FAM124A: variants seen among roughly 807,000 people sequenced by gnomAD.
FAM124A encodes family with sequence similarity 124 member A.
In FAM124A, 23 loss-of-function variants were observed where a neutral mutation model predicts 24.5. The ratio of observed to expected loss-of-function variants is 0.94; its 90% CI spans 0.68 to 1.33. FAM124A has a LOEUF of 1.33. FAM124A is among the 40% of genes most tolerant of loss of function. The pLI is 0.00. For missense variants in FAM124A, 623 were observed against 722.8 expected, an observed-to-expected ratio of 0.86 and a Z score of 1.58; for synonymous variants, 287 against 314.7, an observed-to-expected ratio of 0.91 and a Z score of 0.93.
At chr13:51,265,068 A>G (rs1339727717) in intron 3 of FAM124A, among the ~76,000 whole-genome samples, 2 of 152,190 alleles carry the variant, frequency 1.3e-5, no homozygotes, top group Non-Finnish European at 2.9e-5. Flanking sequence ...ACAAGTAAGC[A>G]TCTCACAGGA....
chr13:51,245,753 T>C (rs1024268258), intron 2 of FAM124A, among the ~76,000 whole-genome samples: 2 of 152,198 alleles, frequency 1.3e-5, no homozygotes, highest in Admixed American at 6.5e-5. Context: ...TCATCTATCA[T>C]AGTGTTGCTT....
chr13:51,260,558 C>A (rs950772473), intron 3 of FAM124A, among the ~76,000 whole-genome samples: 2 of 152,206 alleles, frequency 1.3e-5, no homozygotes, highest in Non-Finnish European at 2.9e-5. Flanking sequence ...TAATATCTTA[C>A]TTAACCCTCA....
At chr13:51,223,789 T>C (rs1310360808) in intron 1 of FAM124A, among the ~76,000 whole-genome samples, 1 of 151,896 alleles carries the variant, frequency 6.6e-6, no homozygotes, top group Non-Finnish European at 1.5e-5. Context: ...CTTCCTTTCT[T>C]CTTCCCACTC....
chr13:51,256,573 C>A (rs558961621), intron 3 of FAM124A, among the ~76,000 whole-genome samples: 1 of 152,202 alleles, frequency 6.6e-6, no homozygotes, highest in Admixed American at 6.5e-5. Flanking sequence ...ACTGGGCCAT[C>A]ATTGCTGGAA....
rs3138586 is a variant in FAM124A, at chr13:51,272,566, T to TACACACAC, written c.835-7863_835-7856dup. Reference sequence around the variant, plus strand: ...ACCTATTTTTGTAAATAAAGCCTTATACACACACACACACACACACACACA... The same window carrying TACACACAC: ...ACCTATTTTTGTAAATAAAGCCTTATACACACACACACACACACACACACACACACACA... On this transcript the variant is annotated intron_variant, in intron 3 of 3. Coordinates refer to ENST00000322475, the MANE Select transcript of FAM124A (RefSeq NM_001242312.2). The surrounding 1 kb of genome is among the most constrained non-coding windows in gnomAD (Gnocchi z 4.2). Among the ~76,000 whole-genome samples, 6,456 of 148,896 alleles carry TACACACAC rather than the reference T, an allele frequency of 0.043. 476 individuals are homozygous for TACACACAC. The highest frequency in any genetic ancestry group is 0.15 in the African/African-American group (6,029 of 40,130).
rs762657108 is a variant in FAM124A at position 51,251,931 on chromosome 13, G to T, written c.564G>T (p.Arg188Ser). Reference protein sequence around the residue: ...CRYDNYADSLRFYQLILRRSP... With the variant: ...CRYDNYADSLSFYQLILRRSP... ...ACGACAACTATGCTGACAGCCTCAG[G>T]TTCTACCAGCTGATTCTCCGGAGGA... Residue 188 changes from arginine to serine, a missense_variant, in exon 3 of 4, where the codon AGG (arginine) becomes AGT (serine). By Grantham distance (110) the Arg-to-Ser change is moderately radical. Coordinates refer to ENST00000322475, the MANE Select transcript of FAM124A (RefSeq NM_001242312.2). This position sits in a 1 kb window ranked among gnomAD's most constrained non-coding sequence, Gnocchi z 5.3. 2.5e-6 allele frequency: 4 copies of T among 1,614,190 alleles called. No individual in the cohort carries two copies. Among genetic ancestry groups the T allele is most frequent in the Non-Finnish European group, 3.4e-6 (4 of 1,180,040 alleles).
chr13:51,250,329 A>G (rs1456247902), intron 2 of FAM124A, among the ~76,000 whole-genome samples: 1 of 152,196 alleles, frequency 6.6e-6, no homozygotes, highest in Non-Finnish European at 1.5e-5. Context: ...GTAAAGGCAG[A>G]TCTAGATTCT....
At chr13:51,261,818 C>T (rs1954741670) in intron 3 of FAM124A, among the ~76,000 whole-genome samples, 1 of 152,246 alleles carries the variant, frequency 6.6e-6, no homozygotes, top group South Asian at 2.1e-4. Flanking sequence ...ACAAGCCAAC[C>T]ACTCTGTGCC....
chr13:51,252,402 C>G (rs565640196), intron 3 of FAM124A: 6 of 670,074 alleles, frequency 9.0e-6, no homozygotes, highest in Non-Finnish European at 1.5e-5. Flanking sequence ...CCCATTGGTT[C>G]TCTTCATTTC....
At chr13:51,247,302 T>G (rs1954574430) in intron 2 of FAM124A, among the ~76,000 whole-genome samples, 1 of 152,226 alleles carries the variant, frequency 6.6e-6, no homozygotes, top group Non-Finnish European at 1.5e-5. Flanking sequence ...GGGCTGATGG[T>G]GCACACGGAA....
intron 3 of FAM124A, among the ~76,000 whole-genome samples, chr13:51,254,044 A>G (rs1954652187): frequency 1.3e-5 from 2 of 152,192 alleles, no homozygotes; most frequent in African/African-American, 4.8e-5. Context: ...TCTGTAAGTT[A>G]CTTTCCAAAG....
In FAM124A at chr13:51,280,435, C is replaced by T. The variant is rs1403120951; in HGVS notation, c.835-15C>T. 1.3e-6 allele frequency: 2 copies of T among 1,570,966 alleles called. No individual in the cohort carries two copies. The highest frequency in any genetic ancestry group is 2.4e-5 in the South Asian group (2 of 84,784). ...TCCCATCCTGCACTAATGTGATCTG[C>T]CTCTCCCCCCACAGGCACAAAGGGT... On this transcript the variant is annotated splice_polypyrimidine_tract_variant and intron_variant, in intron 3 of 3. Coordinates refer to ENST00000322475, the MANE Select transcript of FAM124A (RefSeq NM_001242312.2).
chr13:51,281,055 C>G lies in FAM124A; in HGVS notation c.1440C>G (p.Leu480=), dbSNP rs1954932017. The change falls in exon 4 of 4, where the codon CTC becomes CTG. Residue 480 remains leucine, a synonymous_variant. Coordinates refer to ENST00000322475, the MANE Select transcript of FAM124A (RefSeq NM_001242312.2). ...CCACAGAGGCCTCCTGGGCTTCCCT[C>G]CCTTTCTTCACCAAAAGGTCTTCCA... ...RVTTEASWAS[L]PFFTKRSSSS... The G allele has an allele frequency of 6.2e-7, 1 of 1,614,008 alleles. No individual in the cohort carries two copies. Among genetic ancestry groups the G allele is most frequent in the Admixed American group, 1.7e-5 (1 of 59,994 alleles).
intron 2 of FAM124A, among the ~76,000 whole-genome samples, chr13:51,243,324 A>G (rs914233155): frequency 3.9e-5 from 6 of 152,218 alleles, no homozygotes; most frequent in African/African-American, 1.4e-4. Flanking sequence ...AAAACTATGA[A>G]AAAAAGAGAT....
chr13:51,230,902 C>T (rs939676776), intron 1 of FAM124A, among the ~76,000 whole-genome samples: 2 of 152,148 alleles, frequency 1.3e-5, no homozygotes, highest in African/African-American at 4.8e-5. Context: ...GCTGAGGTTC[C>T]CTCTCTCCTC....
chr13:51,241,195 C>T (rs1954489712), intron 2 of FAM124A, among the ~76,000 whole-genome samples: 1 of 152,204 alleles, frequency 6.6e-6, no homozygotes, highest in South Asian at 2.1e-4. Context: ...TGCCATCCTC[C>T]CTGAAGCAGT....
intron 3 of FAM124A, among the ~76,000 whole-genome samples, chr13:51,274,673 A>G (rs1408088638): frequency 1.3e-5 from 2 of 152,222 alleles, no homozygotes; most frequent in Non-Finnish European, 1.5e-5. Flanking sequence ...TTACACACAT[A>G]TAAGTACCTT....
chr13:51,226,574 T>G (rs1954317632), intron 1 of FAM124A, among the ~76,000 whole-genome samples: 1 of 152,180 alleles, frequency 6.6e-6, no homozygotes, highest in Non-Finnish European at 1.5e-5. Flanking sequence ...TTATTTATTT[T>G]CTCGCAGCAA....
chr13:51,235,260 A>G (rs906428545), intron 2 of FAM124A, among the ~76,000 whole-genome samples: 1 of 152,216 alleles, frequency 6.6e-6, no homozygotes, highest in African/African-American at 2.4e-5. Context: ...TTACTTCCAG[A>G]ATCCTGTTTT....
Sources: gnomAD v4.1 joint callset for allele counts (sites outside exome capture counted in the v4.1 genomes callset) on GRCh38, gnomAD v4.1.1 for gene constraint, Gnocchi (gnomAD v3.1) non-coding constraint, MANE v1.5 for transcripts, NCBI Gene and HGNC (gene_info 2026-07-23, HGNC 2026-07-21) for gene names.